LSAMP: variants seen among roughly 807,000 people sequenced by gnomAD.
LSAMP encodes limbic system associated membrane protein.
LSAMP carries 7 observed loss-of-function variants against 38.6 expected under a neutral mutation model. The observed-to-expected ratio is 0.18, with a 90% CI of 0.10 to 0.34. The LOEUF is 0.34. Among genes scored for constraint, LSAMP ranks in the 10% least tolerant of loss-of-function variants. The probability of loss-of-function intolerance (pLI) is 1.00; values close to 1 mark genes in which losing one functional copy is unlikely to be tolerated. For synonymous variants in LSAMP, 154 were observed against 166.8 expected (o/e 0.92, Z 0.59); for missense variants, 313 against 420.0 (o/e 0.75, Z 2.23).
intron 1 of LSAMP, among the ~76,000 whole-genome samples, chr3:116,381,963 A>C (rs189480817): frequency 1.3e-5 from 2 of 152,226 alleles, no homozygotes; most frequent in African/African-American, 4.8e-5. Flanking sequence ...CGTTTGAGAC[A>C]AAAAAATAGT....
intron 1 of LSAMP, among the ~76,000 whole-genome samples, chr3:116,108,343 A>G (rs1485217856): frequency 1.3e-5 from 2 of 152,134 alleles, no homozygotes; most frequent in Non-Finnish European, 1.5e-5. Context: ...TTAAAAGAGT[A>G]CTGTCTAAGT....
In LSAMP at chr3:115,983,839, G is replaced by A. The variant is rs1939433715; in HGVS notation, c.514+35676C>T. Among the ~76,000 whole-genome samples the A allele has an allele frequency of 2.6e-5, 4 of 152,266 alleles. No individual in the cohort carries two copies. The South Asian group carries it at 8.3e-4, about 32-fold the overall frequency. On this transcript the variant is annotated intron_variant, in intron 3 of 6. Coordinates refer to ENST00000490035, the MANE Select transcript of LSAMP (RefSeq NM_002338.5). Reference sequence around the variant, plus strand: ...GCAAGAGATGAGTCTTCAGAGATAGGCAAGGGCAGAACCACAGAGTATTCT... The same window carrying A: ...GCAAGAGATGAGTCTTCAGAGATAGACAAGGGCAGAACCACAGAGTATTCT...
chr3:116,305,440 G>A (rs1383915938), intron 1 of LSAMP, among the ~76,000 whole-genome samples: 1 of 151,942 alleles, frequency 6.6e-6, no homozygotes, highest in Non-Finnish European at 1.5e-5. Flanking sequence ...GAACCAAATA[G>A]AATCTGACTC....
intron 4 of LSAMP, among the ~76,000 whole-genome samples, chr3:115,849,983 G>A (rs1935278058): frequency 6.6e-6 from 1 of 152,140 alleles, no homozygotes; most frequent in African/African-American, 2.4e-5. Context: ...ATTTTTATAA[G>A]ATCAGGCACA....
chr3:115,839,927 G>A (rs1480765337), intron 6 of LSAMP, among the ~76,000 whole-genome samples: 1 of 152,218 alleles, frequency 6.6e-6, no homozygotes, highest in African/African-American at 2.4e-5. Context: ...TCTGGGTTAA[G>A]TCCTTTAAAT....
chr3:116,444,299 G>A (rs1230436590), intron 1 of LSAMP, among the ~76,000 whole-genome samples: 1 of 151,596 alleles, frequency 6.6e-6, no homozygotes, highest in Non-Finnish European at 1.5e-5. Context: ...TCAATTAGAA[G>A]ATCCTTACAG....
intron 1 of LSAMP, among the ~76,000 whole-genome samples, chr3:116,089,169 A>G (rs911741174): frequency 3.3e-5 from 5 of 152,324 alleles, no homozygotes; most frequent in East Asian, 3.9e-4. Flanking sequence ...GAAGTAATTG[A>G]CCATTTCAGC....
At chr3:116,036,588 C>T (rs1274573538) in intron 2 of LSAMP, among the ~76,000 whole-genome samples, 1 of 152,158 alleles carries the variant, frequency 6.6e-6, no homozygotes, top group African/African-American at 2.4e-5. Context: ...CTGTAAGTGG[C>T]TACTTCCAGG....
intron 2 of LSAMP, among the ~76,000 whole-genome samples, chr3:116,075,400 T>G (rs1194322994): frequency 6.6e-6 from 1 of 152,006 alleles, no homozygotes. Context: ...CCTCCCAAAG[T>G]GCTGGGATTA....
chr3:116,349,476 A>C (rs908841710), intron 1 of LSAMP, among the ~76,000 whole-genome samples: 2 of 150,162 alleles, frequency 1.3e-5, no homozygotes, highest in African/African-American at 4.9e-5. Context: ...GACCCCCCCC[A>C]AAAAAACTAC....
chr3:116,412,335 C>G lies in LSAMP; in HGVS notation c.155+32542G>C, dbSNP rs540840985. ...CATCACAGAGGATTCTCTTGGTTCT[C>G]TCTGTCTGGAACTCCTGAAAAACAT... On this transcript the variant is annotated intron_variant, in intron 1 of 6. Coordinates refer to ENST00000490035, the MANE Select transcript of LSAMP (RefSeq NM_002338.5). Among the ~76,000 whole-genome samples, 139 of 152,164 alleles carry G rather than the reference C, an allele frequency of 9.1e-4. 1 individual carries two copies. The highest frequency in any genetic ancestry group is 3.4e-3 in the Middle Eastern group (1 of 294).
intron 1 of LSAMP, among the ~76,000 whole-genome samples, chr3:116,146,587 A>G (rs1016593723): frequency 2.0e-5 from 3 of 151,954 alleles, no homozygotes; most frequent in Admixed American, 6.6e-5. Context: ...CAGCACACCA[A>G]TTAGAAACAG....
rs10637606 is a variant in LSAMP at position 116,438,060 on chromosome 3, C to CAAAAAA, written c.155+6811_155+6816dup. Among the ~76,000 whole-genome samples the CAAAAAA allele has an allele frequency of 8.7e-5, 11 of 126,266 alleles. 1 individual carries two copies. The highest frequency in any genetic ancestry group is 6.8e-4 in the East Asian group (3 of 4,404). 82.8% of individuals were successfully genotyped at this position (126,266 alleles called of 152,430 possible). On this transcript the variant is annotated intron_variant, in intron 1 of 6. Transcript: ENST00000490035. ...ATTAAGTTTTAATTACAGGTAACTA[C>CAAAAAA]AAAAAAAAAAAAAAAAAGTCTACTT...
At chr3:116,284,954 G>A (rs1315980619) in intron 1 of LSAMP, among the ~76,000 whole-genome samples, 1 of 152,196 alleles carries the variant, frequency 6.6e-6, no homozygotes, top group Non-Finnish European at 1.5e-5. Flanking sequence ...GCAAGTATAT[G>A]TTCTAAGACA....
intron 1 of LSAMP, among the ~76,000 whole-genome samples, chr3:116,424,361 G>A (rs2049167269): frequency 6.6e-6 from 1 of 152,128 alleles, no homozygotes; most frequent in South Asian, 2.1e-4. Context: ...ATAGTTCATT[G>A]GGGAAATATT....
chr3:115,834,535 A>G (rs1172584221), intron 6 of LSAMP: 9 of 1,280,702 alleles, frequency 7.0e-6, no homozygotes, highest in Non-Finnish European at 9.2e-6. Flanking sequence ...CCAGGAAGAG[A>G]GCTACAGTGA....
At chr3:116,135,685 A>G (rs1709232079) in intron 1 of LSAMP, among the ~76,000 whole-genome samples, 1 of 152,194 alleles carries the variant, frequency 6.6e-6, no homozygotes, top group Non-Finnish European at 1.5e-5. Flanking sequence ...CTCCCTGTCA[A>G]GTAGAGGAAA....
intron 2 of LSAMP, among the ~76,000 whole-genome samples, chr3:116,060,777 A>T (rs935974732): frequency 1.3e-5 from 2 of 152,026 alleles, no homozygotes; most frequent in Non-Finnish European, 2.9e-5. Context: ...CAAACAAACA[A>T]AACAACAACA....
intron 2 of LSAMP, among the ~76,000 whole-genome samples, chr3:116,049,001 A>T (rs1941343279): frequency 6.6e-6 from 1 of 152,220 alleles, no homozygotes; most frequent in Admixed American, 6.5e-5. Flanking sequence ...TCAATGCTGC[A>T]AATGGGAGCT....
Sources: allele counts gnomAD v4.1 joint callset (sites outside exome capture counted in the v4.1 genomes callset), GRCh38; gene constraint gnomAD v4.1.1; transcripts MANE v1.5; gene names NCBI Gene and HGNC (gene_info 2026-07-23, HGNC 2026-07-21).